FARP1: variants seen among roughly 807,000 people sequenced by gnomAD.
The protein encoded by FARP1 is FERM, ARH/RhoGEF and pleckstrin domain protein 1, also known as FERM, ARHGEF and pleckstrin domain-containing protein 1.
In FARP1, 52 loss-of-function variants were observed where a neutral mutation model predicts 128.8. The observed-to-expected ratio is 0.40, with a 90% CI of 0.32 to 0.51. FARP1 has a LOEUF of 0.51. Among genes scored for constraint, FARP1 ranks in the 20% least tolerant of loss-of-function variants. FARP1 has a pLI of 0.45. For synonymous variants in FARP1, 580 were observed against 551.8 expected, an observed-to-expected ratio of 1.05 and a Z score of -0.72; for missense variants, 1,333 against 1,367.9, an observed-to-expected ratio of 0.97 and a Z score of 0.40.
chr13:98,453,217 A>G lies in FARP1; in HGVS notation c.*4900A>G. On this transcript the variant is annotated 3_prime_UTR_variant, in exon 27 of 27. Transcript: ENST00000319562. ...CCACCACTTAGAGAGTATCTAGGGAAAAAGAGAGAGAGAGAAGTCAACACA... is the reference window on the plus strand; with the variant it reads ...CCACCACTTAGAGAGTATCTAGGGAGAAAGAGAGAGAGAGAAGTCAACACA... 2 of 1,612,610 alleles carry G rather than the reference A, an allele frequency of 1.2e-6. No homozygotes were observed. The highest frequency in any genetic ancestry group is 2.2e-5 in the East Asian group (1 of 44,796).
intron 2 of FARP1, among the ~76,000 whole-genome samples, chr13:98,214,534 C>T (rs1246891170): frequency 6.6e-6 from 1 of 152,060 alleles, no homozygotes; most frequent in Non-Finnish European, 1.5e-5. Context: ...ATTTAGTAGT[C>T]GGCATTAACG....
At chr13:98,389,357 A>G (rs1890219219) in intron 9 of FARP1, 1 of 152,656 alleles carries the variant, frequency 6.6e-6, no homozygotes, top group South Asian at 2.1e-4. Flanking sequence ...TTTTGTTTAT[A>G]TAATATGGCC....
At chr13:98,349,070 A>C (rs1888297677) in intron 3 of FARP1, among the ~76,000 whole-genome samples, 1 of 152,210 alleles carries the variant, frequency 6.6e-6, no homozygotes, top group South Asian at 2.1e-4. Flanking sequence ...GTATACGGAA[A>C]ATTTATCTCA....
chr13:98,341,826 T>TTA (rs1301830133), intron 2 of FARP1, among the ~76,000 whole-genome samples: 1 of 152,200 alleles, frequency 6.6e-6, no homozygotes, highest in Non-Finnish European at 1.5e-5. Context: ...ACGTGGGTTC[T>TTA]TATATATAAT....
In FARP1 at chr13:98,143,724, G is replaced by T. The variant is rs948050226; in HGVS notation, c.-24+232G>T. The stretch of plus-strand genomic sequence containing the variant: ...CTCGGGGGCCTCGGGGCTCCGGGCT[G>T]CCCCCTGCGCCCCTCTCCCCTCACC... On this transcript the variant is annotated intron_variant, in intron 1 of 26. Transcript: ENST00000319562. 1.6e-3 allele frequency among the ~76,000 whole-genome samples: 250 copies of T among 151,656 alleles called. 1 individual carries two copies. Among genetic ancestry groups the T allele is most frequent in the African/African-American group, 5.0e-3 (207 of 41,486 alleles).
chr13:98,372,717 C>A (rs777470713), intron 5 of FARP1, among the ~76,000 whole-genome samples: 8 of 152,164 alleles, frequency 5.3e-5, no homozygotes, highest in Admixed American at 2.6e-4. Context: ...CTCTTGCAGT[C>A]CCTAGGAGTG....
chr13:98,386,720 C>T (rs1890111637), intron 8 of FARP1, among the ~76,000 whole-genome samples: 1 of 152,136 alleles, frequency 6.6e-6, no homozygotes, highest in African/African-American at 2.4e-5. Context: ...TCAGATTTCA[C>T]CCAGTTAGGA....
At position 98,368,097 on chromosome 13, in the gene FARP1, C is replaced by G; in HGVS notation, c.320-20C>G. ...ACACAAATCAGTAAATGCTTTACTT[C>G]TTTTTTTCTTCTTCTTTAGGGCCAA... On this transcript the variant is annotated intron_variant, in intron 4 of 26. Coordinates refer to ENST00000319562, the MANE Select transcript of FARP1 (RefSeq NM_005766.4). 6.2e-7 allele frequency: 1 copy of G among 1,601,260 alleles called. No individual in the cohort carries two copies. Among genetic ancestry groups the G allele is most frequent in the East Asian group, 2.2e-5 (1 of 44,792 alleles).
At chr13:98,427,214 C>T (rs373795518) in intron 17 of FARP1, among the ~76,000 whole-genome samples, 40 of 152,302 alleles carry the variant, frequency 2.6e-4, no homozygotes, top group African/African-American at 9.4e-4. Flanking sequence ...AACCACTGAC[C>T]TTTTCCCATC....
At chr13:98,263,934 C>T (rs1177477991) in intron 2 of FARP1, among the ~76,000 whole-genome samples, 1 of 152,176 alleles carries the variant, frequency 6.6e-6, no homozygotes, top group Non-Finnish European at 1.5e-5. Context: ...GTTGGAGCAT[C>T]CTTGATTCTA....
chr13:98,356,285 A>G (rs963237700), intron 3 of FARP1, among the ~76,000 whole-genome samples: 1 of 152,232 alleles, frequency 6.6e-6, no homozygotes, highest in African/African-American at 2.4e-5. Flanking sequence ...CGGACATCAC[A>G]GAGTGTACTT....
intron 1 of FARP1, among the ~76,000 whole-genome samples, chr13:98,189,262 CTT>C (rs11440978): frequency 9.0e-5 from 13 of 143,664 alleles, no homozygotes; most frequent in African/African-American, 5.1e-5. Flanking sequence ...GAAATGAGTA[CTT>C]TTTTTTTTTT....
At chr13:98,315,800 G>GT (rs1191357103) in intron 2 of FARP1, among the ~76,000 whole-genome samples, 2 of 152,228 alleles carry the variant, frequency 1.3e-5, no homozygotes, top group Non-Finnish European at 1.5e-5. Context: ...CAGCCCAGCA[G>GT]TAAGAGCAGT....
intron 2 of FARP1, among the ~76,000 whole-genome samples, chr13:98,224,584 T>G (rs943880091): frequency 6.8e-6 from 1 of 146,302 alleles, no homozygotes; most frequent in Non-Finnish European, 1.5e-5. Flanking sequence ...AGGTAGTTAC[T>G]ATCTTACAGT....
intron 2 of FARP1, among the ~76,000 whole-genome samples, chr13:98,260,155 C>T (rs190422265): frequency 6.6e-6 from 1 of 152,230 alleles, no homozygotes; most frequent in Non-Finnish European, 1.5e-5. Flanking sequence ...AGCACACACA[C>T]ACGCCCCTCG....
chr13:98,396,977 G>A (rs1393320105), intron 13 of FARP1: 2 of 152,664 alleles, frequency 1.3e-5, no homozygotes, highest in Non-Finnish European at 2.9e-5. Flanking sequence ...ATGAAGTGAG[G>A]AATTGGCACT....
At chr13:98,422,228 G>C (rs1891618480) in intron 16 of FARP1, among the ~76,000 whole-genome samples, 1 of 152,194 alleles carries the variant, frequency 6.6e-6, no homozygotes, top group African/African-American at 2.4e-5. Context: ...GAGCTTGGAG[G>C]GCCACGCAGT....
In FARP1 at chr13:98,261,850, T is replaced by C. The variant is rs184239054; in HGVS notation, c.171+48437T>C. ...TTGCTGTGGGGAGGGCATCAAGCCA[T>C]TCATGAGGGATCCACTCCCATGACC... On this transcript the variant is annotated intron_variant, in intron 2 of 26. Transcript: ENST00000319562. 1.0e-3 allele frequency among the ~76,000 whole-genome samples: 159 copies of C among 152,178 alleles called. 2 individuals carry two copies. The Middle Eastern group carries it at 0.024, about 23-fold the overall frequency.
At chr13:98,158,863 C>A (rs866350705) in intron 1 of FARP1, among the ~76,000 whole-genome samples, 2 of 152,122 alleles carry the variant, frequency 1.3e-5, no homozygotes, top group Admixed American at 6.5e-5. Context: ...CTGTTTGTGG[C>A]CGCACCTGCC....
Sources: gnomAD v4.1 joint callset for allele counts (sites outside exome capture counted in the v4.1 genomes callset) on GRCh38, gnomAD v4.1.1 for gene constraint, MANE v1.5 for transcripts, NCBI Gene and HGNC (gene_info 2026-07-23, HGNC 2026-07-21) for gene names.